The following MTCL2 variants were observed in gnomAD, a reference collection of about 807,000 sequenced individuals.
The protein encoded by MTCL2 is microtubule crosslinking factor 2.
At chr20:36,786,500 G>C in the MTCL2 span, 1 of 1,546,492 alleles carries the variant, frequency 6.5e-7, no homozygotes, top group South Asian at 1.2e-5. Context: ...CGCTGGGGGG[G>C]AGTGCCCTCT....
At chr20:36,839,072 T>A in the MTCL2 span, 4 of 687,224 alleles carry the variant, frequency 5.8e-6, no homozygotes, top group Non-Finnish European at 9.7e-6. The surrounding 1 kb of genome is among the most constrained non-coding windows in gnomAD (Gnocchi z 5.1). Context: ...TCACCAGGAA[T>A]TCCTACTTAG....
At chr20:36,836,599 C>T in the MTCL2 span, among the ~76,000 whole-genome samples, 1 of 152,080 alleles carries the variant, frequency 6.6e-6, no homozygotes, top group Non-Finnish European at 1.5e-5. Flanking sequence ...CCGCCTCGGC[C>T]TGCCAAAGTG....
the MTCL2 span, chr20:36,794,804 T>C: frequency 1.1e-4 from 72 of 642,976 alleles, 1 homozygote; most frequent in African/African-American, 1.1e-3. This position sits in a 1 kb window ranked among gnomAD's most constrained non-coding sequence, Gnocchi z 5.4. Flanking sequence ...GGTCTTGATA[T>C]GTCACCCAGG....
At chr20:36,833,756 C>T in the MTCL2 span, among the ~76,000 whole-genome samples, 1 of 152,188 alleles carries the variant, frequency 6.6e-6, no homozygotes, top group African/African-American at 2.4e-5. Context: ...GAAGCTGAGA[C>T]AGGAGGATCC....
At chr20:36,862,983 G>A in the MTCL2 span, 2 of 1,407,206 alleles carry the variant, frequency 1.4e-6, no homozygotes, top group East Asian at 3.4e-5. Context: ...CGACACCTCC[G>A]AGCTGCTATC....
chr20:36,842,987 AGGAAGGGACTG>A, the MTCL2 span, among the ~76,000 whole-genome samples: 1 of 152,152 alleles, frequency 6.6e-6, no homozygotes, highest in Non-Finnish European at 1.5e-5. Context: ...GAAAACGGAA[AGGAAGGGACTG>A]GGAAGTGGGG....
At chr20:36,802,186 T>C in the MTCL2 span, among the ~76,000 whole-genome samples, 1 of 152,100 alleles carries the variant, frequency 6.6e-6, no homozygotes, top group African/African-American at 2.4e-5. Flanking sequence ...CTGAGGAGGC[T>C]GAAGCACATG....
At chr20:36,859,608 GGA>G in the MTCL2 span, 1 of 1,231,672 alleles carries the variant, frequency 8.1e-7, no homozygotes, top group South Asian at 4.1e-5. Context: ...CTTCTCACTG[GGA>G]GAGAGTTGCC....
At chr20:36,808,685 C>G in the MTCL2 span, 1 of 1,610,350 alleles carries the variant, frequency 6.2e-7, no homozygotes, top group Admixed American at 1.7e-5. Flanking sequence ...CCGCTGGAGG[C>G]TCAGACTCTG....
At chr20:36,863,424 C>A in the MTCL2 span, 1 of 1,058,054 alleles carries the variant, frequency 9.5e-7, no homozygotes, top group Non-Finnish European at 1.2e-6. This position sits in a 1 kb window ranked among gnomAD's most constrained non-coding sequence, Gnocchi z 6.2. Flanking sequence ...AGGGACCCGG[C>A]GCGGCTCCGG....
the MTCL2 span, among the ~76,000 whole-genome samples, chr20:36,840,036 A>G: frequency 6.6e-6 from 1 of 151,630 alleles, no homozygotes; most frequent in Non-Finnish European, 1.5e-5. Context: ...CTGATTTTTT[A>G]TATTTTTAGT....
chr20:36,841,884 T>G, the MTCL2 span, among the ~76,000 whole-genome samples: 257 of 88,616 alleles, frequency 2.9e-3, 2 homozygotes, highest in South Asian at 0.026. Flanking sequence ...GGTGTGTGTG[T>G]GTGTGTGTGT....
the MTCL2 span, among the ~76,000 whole-genome samples, chr20:36,790,716 C>T: frequency 1.4e-4 from 21 of 149,814 alleles, no homozygotes; most frequent in Admixed American, 4.7e-4. Flanking sequence ...GGATTACAGG[C>T]GTAAGCCACC....
chr20:36,832,270 G>A, the MTCL2 span, among the ~76,000 whole-genome samples: 1 of 152,162 alleles, frequency 6.6e-6, no homozygotes, highest in African/African-American at 2.4e-5. Flanking sequence ...CTGGGGTGAG[G>A]GCTCCTCTCT....
the MTCL2 span, among the ~76,000 whole-genome samples, chr20:36,836,801 C>A: frequency 6.6e-6 from 1 of 152,142 alleles, no homozygotes; most frequent in Non-Finnish European, 1.5e-5. Context: ...GGCGGAGACA[C>A]AACCATTGGT....
the MTCL2 span, among the ~76,000 whole-genome samples, chr20:36,847,887 G>A: frequency 6.7e-6 from 1 of 149,600 alleles, no homozygotes; most frequent in East Asian, 2.0e-4. Context: ...TATAGCTTCT[G>A]TCCTGCCCAG....
chr20:36,841,336 AAAAC>A, the MTCL2 span, among the ~76,000 whole-genome samples: 2 of 151,992 alleles, frequency 1.3e-5, no homozygotes, highest in African/African-American at 4.8e-5. Flanking sequence ...AAAAAAAACA[AAAAC>A]AAACCTCAGA....
the MTCL2 span, among the ~76,000 whole-genome samples, chr20:36,853,336 C>A: frequency 3.9e-5 from 6 of 152,156 alleles, no homozygotes; most frequent in African/African-American, 1.4e-4. Flanking sequence ...GGGAGAGGAA[C>A]CTCACAGAGG....
the MTCL2 span, chr20:36,859,965 AAAC>A: frequency 8.3e-7 from 1 of 1,206,742 alleles, no homozygotes; most frequent in Non-Finnish European, 1.0e-6. Context: ...TCTGTGGAAT[AAAC>A]AACACAACAC....
Sources: gnomAD v4.1 joint callset for allele counts (sites outside exome capture counted in the v4.1 genomes callset) on GRCh38, gnomAD v4.1.1 for gene constraint, Gnocchi (gnomAD v3.1) non-coding constraint, MANE v1.5 for transcripts, NCBI Gene and HGNC (gene_info 2026-07-23, HGNC 2026-07-21) for gene names.